The following ITPR2 variants were observed in gnomAD, a reference collection of about 807,000 sequenced individuals.
The protein encoded by ITPR2 is inositol 1,4,5-trisphosphate-gated calcium channel ITPR2.
ITPR2 carries 207 observed loss-of-function variants against 317.1 expected under a neutral mutation model. The ratio of observed to expected loss-of-function variants is 0.65; its 90% CI spans 0.58 to 0.73. The LOEUF (loss-of-function observed/expected upper bound fraction) is 0.73, where lower values mean the gene tolerates loss of function less well. Among genes scored for constraint, ITPR2 ranks in the 30% least tolerant of loss-of-function variants. The pLI is 0.00. For missense variants in ITPR2, 2,613 were observed against 3,284.0 expected (o/e 0.80, Z 4.99); for synonymous variants, 1,156 against 1,149.1 (o/e 1.01, Z -0.12).
chr12:26,658,206 G>A, intron 16 of ITPR2, 76 bp from the exon 17 acceptor site: 4 of 1,008,770 alleles, frequency 4.0e-6, no homozygotes, highest in East Asian at 2.9e-5. Flanking sequence ...GACATAATTT[G>A]GAATATAATA....
intron 1 of ITPR2, among the ~76,000 whole-genome samples, chr12:26,816,950 T>G (rs574476366): frequency 1.3e-5 from 2 of 151,654 alleles, no homozygotes; most frequent in African/African-American, 4.8e-5. Context: ...GAGGCCAAGG[T>G]GGGCGGATCA....
chr12:26,654,123 C>T lies in ITPR2; in HGVS notation c.2593G>A (p.Val865Ile). The change falls in exon 21 of 57, where the codon GTC (valine) becomes ATC (isoleucine). Residue 865 changes from valine to isoleucine, a missense_variant. Val to Ile is a conservative substitution (Grantham distance 29). Coordinates refer to ENST00000381340, the MANE Select transcript of ITPR2 (RefSeq NM_002223.4). ...KEKNKLTFEV[V>I]HLARNLIYFG... ...TATATAAGATTCCGAGCCAAGTGGA[C>T]CACCTTAATAAAAAAAAAAAAGCGG... 1 of 1,259,392 alleles carries T rather than the reference C, an allele frequency of 7.9e-7. No homozygotes were observed. Among genetic ancestry groups the T allele is most frequent in the Non-Finnish European group, 1.1e-6 (1 of 930,024 alleles). The allele number at this position is 1,259,392 out of a possible 1,614,324, so 78.0% of individuals were successfully genotyped here.
chr12:26,755,848 G>T (rs1343955506), intron 2 of ITPR2, among the ~76,000 whole-genome samples: 1 of 152,102 alleles, frequency 6.6e-6, no homozygotes, highest in Non-Finnish European at 1.5e-5. Flanking sequence ...CCTATACAGA[G>T]TTTCTGACCT....
rs369937213 is a variant in ITPR2, at chr12:26,370,463, C to T, written c.7857+16971G>A. 3.3e-4 allele frequency among the ~76,000 whole-genome samples: 50 copies of T among 152,168 alleles called. No individual in the cohort carries two copies. In the East Asian group the frequency reaches 3.5e-3, roughly 11 times the overall value. On this transcript the variant is annotated intron_variant, in intron 55 of 56. Transcript: ENST00000381340. ...AGAAGGGAGTGTTTTAGTTCCACTG[C>T]CACTCTCTCCTAAACAATGAGCAAA... is the stretch of plus-strand genomic sequence containing the variant.
At chr12:26,583,231 T>C (rs1490033752) in intron 32 of ITPR2, among the ~76,000 whole-genome samples, 1 of 152,204 alleles carries the variant, frequency 6.6e-6, no homozygotes. Flanking sequence ...TTCATTTCCC[T>C]TGCTGTTAAC....
intron 21 of ITPR2, 117 bp from the exon 22 acceptor site, chr12:26,632,176 A>T (rs1946769490): frequency 1.6e-6 from 1 of 636,624 alleles, no homozygotes; most frequent in Admixed American, 3.3e-5. Context: ...TCAGGATAAG[A>T]CAGAATAGCA....
At chr12:26,386,492 G>T (rs1377024796) in intron 55 of ITPR2, among the ~76,000 whole-genome samples, 1 of 152,062 alleles carries the variant, frequency 6.6e-6, no homozygotes, top group East Asian at 1.9e-4. Context: ...ATGTTCTTTG[G>T]TTGCTCCCTA....
Position 26,343,569 on chromosome 12 carries a change from A to AC in ITPR2, c.7858-3242_7858-3241insG, listed in dbSNP as rs1325607807. On this transcript the variant is annotated intron_variant, in intron 55 of 56. Transcript: ENST00000381340. ...GTTATATATATTTTACCACCATTTA[A>AC]AAAAAATCACAGAATTTGCAGAGGC... is the stretch of plus-strand genomic sequence containing the variant. 2.6e-5 allele frequency among the ~76,000 whole-genome samples: 4 copies of AC among 152,290 alleles called. No homozygotes were observed. The East Asian group carries it at 5.8e-4, about 22-fold the overall frequency.
intron 13 of ITPR2, among the ~76,000 whole-genome samples, chr12:26,671,328 C>T (rs1307903949): frequency 1.3e-5 from 2 of 152,058 alleles, no homozygotes; most frequent in African/African-American, 4.8e-5. Flanking sequence ...AAAGGGAAGC[C>T]CATCAGACTA....
intron 10 of ITPR2, among the ~76,000 whole-genome samples, chr12:26,691,116 C>A (rs1480109113): frequency 6.6e-6 from 1 of 152,200 alleles, no homozygotes; most frequent in Non-Finnish European, 1.5e-5. Context: ...GACAGTCTGA[C>A]AGTAAACTTC....
At chr12:26,437,897 G>A (rs1463974432) in intron 47 of ITPR2, among the ~76,000 whole-genome samples, 1 of 152,102 alleles carries the variant, frequency 6.6e-6, no homozygotes, top group Non-Finnish European at 1.5e-5. Context: ...TGCCTCCTGG[G>A]TTCAAGTGAT....
Position 26,578,736 on chromosome 12 carries a change from C to T in ITPR2, c.4607G>A (p.Cys1536Tyr). The change falls in exon 34 of 57, where the codon TGT becomes TAT. Residue 1536 changes from cysteine to tyrosine, a missense_variant. Physicochemically the swap from Cys to Tyr is radical, Grantham distance 194. Around this residue, in one of 9 missense-constraint regions of ITPR2, gnomAD observed 926 missense variants for 1,072.8 expected, o/e 0.86. Transcript: ENST00000381340. ...ACCCACTTCAGCCAAAGTTCTGATACAGGATTCCACTGAGGCTTTCTGCGC... is the reference window on the plus strand; with the variant it reads ...ACCCACTTCAGCCAAAGTTCTGATATAGGATTCCACTGAGGCTTTCTGCGC... The part of the protein sequence containing the change: ...NPAQKASVES[C>Y]IRTLAEVAKN... 1 of 1,605,012 alleles carries T rather than the reference C, an allele frequency of 6.2e-7. No homozygotes were observed. The highest frequency in any genetic ancestry group is 8.5e-7 in the Non-Finnish European group (1 of 1,173,666).
intron 55 of ITPR2, among the ~76,000 whole-genome samples, chr12:26,340,772 C>G (rs763225210): frequency 2.2e-4 from 34 of 152,180 alleles, no homozygotes; most frequent in Non-Finnish European, 1.5e-4. Flanking sequence ...GCCACCCACA[C>G]TACTTTACCT....
At chr12:26,804,998 G>A (rs1950617737) in intron 1 of ITPR2, among the ~76,000 whole-genome samples, 1 of 152,088 alleles carries the variant, frequency 6.6e-6, no homozygotes, top group Non-Finnish European at 1.5e-5. Context: ...GCCTCCCAAA[G>A]TGCTGGGAAT....
In ITPR2 at chr12:26,518,753, A is replaced by T. The variant is rs570320528; in HGVS notation, c.5074-23493T>A. Among the ~76,000 whole-genome samples the T allele has an allele frequency of 8.5e-5, 13 of 152,296 alleles. No individual in the cohort carries two copies. In the East Asian group the frequency reaches 2.1e-3, roughly 25 times the overall value. Reference sequence around the variant, plus strand: ...AATTTTTAAAATTTAACAATTTTTTAAAAACTTGCTTTCTGAGAAAATTAA... The same window carrying T: ...AATTTTTAAAATTTAACAATTTTTTTAAAACTTGCTTTCTGAGAAAATTAA... On this transcript the variant is annotated intron_variant, in intron 37 of 56. Transcript: ENST00000381340.
chr12:26,605,126 A>AAAATATATATATATATAT, intron 26 of ITPR2, among the ~76,000 whole-genome samples: 1 of 136,324 alleles, frequency 7.3e-6, no homozygotes, highest in African/African-American at 2.6e-5. Context: ...AAAAAATAAA[A>AAAATATATATATATATAT]ATATATATAT....
chr12:26,753,397 G>T (rs546276632), intron 2 of ITPR2, among the ~76,000 whole-genome samples: 1 of 152,292 alleles, frequency 6.6e-6, no homozygotes, highest in Non-Finnish European at 1.5e-5. Context: ...CAGGATCGTG[G>T]GACATGGGGA....
chr12:26,698,227 C>A (rs375739855), intron 9 of ITPR2, among the ~76,000 whole-genome samples: 48 of 152,254 alleles, frequency 3.2e-4, no homozygotes, highest in African/African-American at 9.9e-4. Flanking sequence ...TTGACACATT[C>A]ATTTGAAGAT....
chr12:26,348,926 G>A (rs577917225), intron 55 of ITPR2, among the ~76,000 whole-genome samples: 3 of 150,722 alleles, frequency 2.0e-5, no homozygotes, highest in Non-Finnish European at 3.0e-5. Context: ...AAATTAACTG[G>A]GTGTGGTGGT....
Sources: allele counts gnomAD v4.1 joint callset (sites outside exome capture counted in the v4.1 genomes callset), GRCh38; gene constraint gnomAD v4.1.1; regional missense constraint gnomAD v4.1.1; transcripts MANE v1.5; gene names NCBI Gene and HGNC (gene_info 2026-07-23, HGNC 2026-07-21).